Variants in SEZ6 observed in about 807,000 individuals in gnomAD.
The protein encoded by SEZ6 is seizure protein 6 homolog.
SEZ6 carries 53 observed loss-of-function variants against 101.0 expected under a neutral mutation model. The ratio of observed to expected loss-of-function variants is 0.52; its 90% CI spans 0.42 to 0.66. SEZ6 has a LOEUF of 0.66. Ranked by LOEUF, SEZ6 falls within the 30% of genes least tolerant of loss-of-function variation. The probability of loss-of-function intolerance (pLI) is 0.00; values close to 1 mark genes in which losing one functional copy is unlikely to be tolerated. For missense variants in SEZ6, 1,102 were observed against 1,289.4 expected (o/e 0.85, Z 2.23); for synonymous variants, 488 against 512.2 (o/e 0.95, Z 0.64).
Position 29,005,416 on chromosome 17 carries a change from G to A in SEZ6, c.55+399C>T, listed in dbSNP as rs1295461132. Among the ~76,000 whole-genome samples the A allele has an allele frequency of 1.3e-5, 2 of 152,156 alleles. No individual in the cohort carries two copies. Among genetic ancestry groups the A allele is most frequent in the Non-Finnish European group, 2.9e-5 (2 of 68,004 alleles). ...GGGCGGCAGGGGAAGCGGGACCACGGGCCGCCAGCTGGACCGTCCCGACTC... is the reference window on the plus strand; with the variant it reads ...GGGCGGCAGGGGAAGCGGGACCACGAGCCGCCAGCTGGACCGTCCCGACTC... On this transcript the variant is annotated intron_variant, in intron 1 of 16. Coordinates refer to ENST00000317338, the MANE Select transcript of SEZ6 (RefSeq NM_178860.5). The surrounding 1 kb of genome is among the most constrained non-coding windows in gnomAD (Gnocchi z 4.8).
intron 10 of SEZ6, 145 bp from the exon 11 acceptor site, chr17:28,958,286 C>T: frequency 1.1e-6 from 1 of 870,104 alleles, no homozygotes; most frequent in South Asian, 2.0e-5. Flanking sequence ...CCTCCCTGCT[C>T]AAGGGCCCCT....
chr17:28,970,410 A>G (rs2041134783), intron 3 of SEZ6, among the ~76,000 whole-genome samples: 2 of 152,062 alleles, frequency 1.3e-5, no homozygotes, highest in Admixed American at 1.3e-4. Context: ...TCCCTGTTGG[A>G]TGCTTCACAC....
In SEZ6 at chr17:28,981,691, G is replaced by A; in HGVS notation, c.404C>T (p.Ser135Phe). 1.5e-5 allele frequency: 23 copies of A among 1,583,824 alleles called. No individual in the cohort carries two copies. The highest frequency in any genetic ancestry group is 2.0e-5 in the Non-Finnish European group (23 of 1,160,730). ...CTCCGGACTCCAGGGTCCCTCCTTGGACTGGGGCTGAGTGGGTACCGCAGC... is the reference window on the plus strand; with the variant it reads ...CTCCGGACTCCAGGGTCCCTCCTTGAACTGGGGCTGAGTGGGTACCGCAGC... ...AMAAVPTQPQ[S>F]KEGPWSPESE... The change falls in exon 2 of 17, where the codon TCC becomes TTC. Residue 135 changes from serine to phenylalanine, a missense_variant. Ser to Phe is a radical substitution (Grantham distance 155, BLOSUM62 -2). Coordinates refer to ENST00000317338, the MANE Select transcript of SEZ6 (RefSeq NM_178860.5).
chr17:29,005,664 G>A lies in SEZ6; in HGVS notation c.55+151C>T. The A allele has an allele frequency of 1.5e-6, 1 of 677,840 alleles. No individual in the cohort carries two copies. Among genetic ancestry groups the A allele is most frequent in the Non-Finnish European group, 2.0e-6 (1 of 510,752 alleles). 42.0% of individuals were successfully genotyped at this position (677,840 alleles called of 1,614,324 possible). ...CGCCCGCGAAGCCCGCGCCCCGCCCGGCTTGGCCGGCGCCGGGGGCAGCGC... is the reference window on the plus strand; with the variant it reads ...CGCCCGCGAAGCCCGCGCCCCGCCCAGCTTGGCCGGCGCCGGGGGCAGCGC... On this transcript the variant is annotated intron_variant, in intron 1 of 16. Coordinates refer to ENST00000317338, the MANE Select transcript of SEZ6 (RefSeq NM_178860.5). The surrounding 1 kb of genome is among the most constrained non-coding windows in gnomAD (Gnocchi z 4.8).
At chr17:28,995,350 G>A (rs532756391) in intron 1 of SEZ6, among the ~76,000 whole-genome samples, 10 of 152,076 alleles carry the variant, frequency 6.6e-5, no homozygotes, top group African/African-American at 1.2e-4. Context: ...ATGTATGTGG[G>A]GGGGGGTGCA....
Position 28,960,662 on chromosome 17 carries a change from A to C in SEZ6, c.1419T>G (p.Ile473Met). 1 of 1,607,396 alleles carries C rather than the reference A, an allele frequency of 6.2e-7. No homozygotes were observed. Among genetic ancestry groups the C allele is most frequent in the Middle Eastern group, 1.7e-4 (1 of 6,058 alleles). Residue 473 changes from isoleucine (I) to methionine (M), a missense_variant, in exon 7 of 17, where the codon ATT becomes ATG. Ile to Met is a conservative substitution (Grantham distance 10). Transcript: ENST00000317338. ...SLAEDDDRLI[I>M]RNGDNVEAPP... ...GGGCCTCCACGTTGTCCCCATTGCG[A>C]ATGATGAGCCTGAACCAGGAGAGTG...
intron 1 of SEZ6, among the ~76,000 whole-genome samples, chr17:28,996,374 T>TGA (rs1452807971): frequency 3.3e-5 from 5 of 152,230 alleles, no homozygotes; most frequent in African/African-American, 1.2e-4. Context: ...AGGCACCTTT[T>TGA]GCCTGAGGGG....
chr17:28,980,531 G>A (rs1050913577), intron 2 of SEZ6, among the ~76,000 whole-genome samples: 6 of 151,630 alleles, frequency 4.0e-5, no homozygotes, highest in Non-Finnish European at 8.8e-5. Context: ...CACTACGCCC[G>A]GCTAATTTTT....
chr17:28,991,280 C>G (rs962219825), intron 1 of SEZ6, among the ~76,000 whole-genome samples: 1 of 152,190 alleles, frequency 6.6e-6, no homozygotes, highest in Admixed American at 6.5e-5. Context: ...TCTTGGCTCA[C>G]TGCAACCTCC....
At position 28,981,575 on chromosome 17, in the gene SEZ6, T is replaced by C. The variant is rs752509317; in HGVS notation, c.520A>G (p.Thr174Ala). 1.2e-6 allele frequency: 2 copies of C among 1,611,316 alleles called. No homozygotes were observed. Among genetic ancestry groups the C allele is most frequent in the Non-Finnish European group, 1.7e-6 (2 of 1,178,370 alleles). Residue 174 changes from threonine to alanine, a missense_variant, in exon 2 of 17, where the codon ACT becomes GCT. Thr to Ala is a moderately conservative substitution (Grantham distance 58, BLOSUM62 0). Coordinates refer to ENST00000317338, the MANE Select transcript of SEZ6 (RefSeq NM_178860.5). ...GTCCAGGCTCTGCTGGGGGGTGTAG[T>C]GCTGGCTATCTCCCCTGGGCCTAGG... ...PTLGPGEIAS[T>A]TPPSRAWTPT...
Position 28,955,799 on chromosome 17 carries a change from C to T in SEZ6, c.*163G>A, listed in dbSNP as rs1402077598. On this transcript the variant is annotated 3_prime_UTR_variant, in exon 17 of 17. Coordinates refer to ENST00000317338, the MANE Select transcript of SEZ6 (RefSeq NM_178860.5). Reference sequence around the variant, plus strand: ...CAAGAAAATAGGCCATGGTGGGCATCGCAGGCGGGGAAGGGCACAACTTCT... The same window carrying T: ...CAAGAAAATAGGCCATGGTGGGCATTGCAGGCGGGGAAGGGCACAACTTCT... 2.4e-6 allele frequency: 2 copies of T among 828,960 alleles called. No homozygotes were observed. The highest frequency in any genetic ancestry group is 2.0e-5 in the Admixed American group (1 of 50,012). 51.4% of individuals were successfully genotyped at this position (828,960 alleles called of 1,614,324 possible). A position where few individuals can be genotyped will look rare whatever the true frequency, so the allele number is the denominator to read the frequency against.
chr17:28,999,016 G>T (rs1172404538), intron 1 of SEZ6, among the ~76,000 whole-genome samples: 1 of 152,152 alleles, frequency 6.6e-6, no homozygotes, highest in East Asian at 1.9e-4. Flanking sequence ...TCTAAACTGA[G>T]TTCCTTAAGG....
chr17:28,955,874 G>T lies in SEZ6; in HGVS notation c.*88C>A, dbSNP rs1435816146. 6.9e-7 allele frequency: 1 copy of T among 1,441,740 alleles called. No individual in the cohort carries two copies. Among genetic ancestry groups the T allele is most frequent in the Non-Finnish European group, 9.6e-7 (1 of 1,044,164 alleles). The allele number at this position is 1,441,740 out of a possible 1,614,324, so 89.3% of individuals were successfully genotyped here. ...TAGGTGGTATATACAGGAGGTGGAGGGACAGCAGGAAGCAAGGAGCCTTGC... is the reference window on the plus strand; with the variant it reads ...TAGGTGGTATATACAGGAGGTGGAGTGACAGCAGGAAGCAAGGAGCCTTGC... On this transcript the variant is annotated 3_prime_UTR_variant, in exon 17 of 17. Transcript: ENST00000317338.
At chr17:28,958,601 C>A in intron 10 of SEZ6, among the ~76,000 whole-genome samples, 1 of 151,928 alleles carries the variant, frequency 6.6e-6, no homozygotes, top group African/African-American at 2.4e-5. Context: ...ACCAGCCAGG[C>A]CAACATGGCA....
intron 1 of SEZ6, among the ~76,000 whole-genome samples, chr17:28,983,187 T>C (rs1436236285): frequency 2.0e-5 from 3 of 152,232 alleles, no homozygotes; most frequent in African/African-American, 7.2e-5. Context: ...TCTCTGAAGC[T>C]CAGTTTTCTC....
intron 1 of SEZ6, among the ~76,000 whole-genome samples, chr17:28,992,999 C>T (rs2041486924): frequency 6.6e-6 from 1 of 152,088 alleles, no homozygotes; most frequent in African/African-American, 2.4e-5. Flanking sequence ...TCAGACTGGG[C>T]AGGTGGCACT....
At chr17:28,984,950 A>G (rs997232174) in intron 1 of SEZ6, among the ~76,000 whole-genome samples, 1 of 152,134 alleles carries the variant, frequency 6.6e-6, no homozygotes, top group Non-Finnish European at 1.5e-5. Flanking sequence ...ATCAGGCACT[A>G]CTGTGTCAGG....
Position 28,960,490 on chromosome 17 carries a change from C to G in SEZ6, c.1576+15G>C, listed in dbSNP as rs1347682537. The stretch of plus-strand genomic sequence containing the variant: ...CGTGGACCCGCCACCCCCAGTGAGG[C>G]CCCAGCAGGCTCACCCTCATAGCGC... On this transcript the variant is annotated intron_variant, in intron 7 of 16. Coordinates refer to ENST00000317338, the MANE Select transcript of SEZ6 (RefSeq NM_178860.5). 1 of 1,581,952 alleles carries G rather than the reference C, an allele frequency of 6.3e-7. No individual in the cohort carries two copies. The highest frequency in any genetic ancestry group is 1.8e-5 in the Admixed American group (1 of 55,430).
chr17:28,989,457 G>A (rs2041427974), intron 1 of SEZ6, among the ~76,000 whole-genome samples: 1 of 152,114 alleles, frequency 6.6e-6, no homozygotes, highest in African/African-American at 2.4e-5. Context: ...TTCAAACCTG[G>A]GTTGTCTAGC....
Sources: gnomAD v4.1 joint callset for allele counts (sites outside exome capture counted in the v4.1 genomes callset) on GRCh38, gnomAD v4.1.1 for gene constraint, Gnocchi (gnomAD v3.1) non-coding constraint, MANE v1.5 for transcripts, NCBI Gene and HGNC (gene_info 2026-07-23, HGNC 2026-07-21) for gene names.